The following KIAA1549L variants were observed in gnomAD, a reference collection of about 807,000 sequenced individuals.
The protein encoded by KIAA1549L is KIAA1549 like, also known as UPF0606 protein KIAA1549L.
Under a neutral mutation model 160.7 loss-of-function variants are expected in KIAA1549L, and 88 were observed. The ratio of observed to expected loss-of-function variants is 0.55; its 90% CI spans 0.46 to 0.65. The LOEUF is 0.65. KIAA1549L is among the 30% of genes least tolerant of loss of function. The pLI is 0.00. For missense variants in KIAA1549L, 2,258 were observed against 2,437.5 expected, an observed-to-expected ratio of 0.93 and a Z score of 1.55; for synonymous variants, 950 against 976.7, an observed-to-expected ratio of 0.97 and a Z score of 0.51.
At chr11:33,538,537 G>T in intron 1 of KIAA1549L, among the ~76,000 whole-genome samples, 1 of 152,190 alleles carries the variant, frequency 6.6e-6, no homozygotes, top group East Asian at 1.9e-4. Context: ...TATGCGCTGA[G>T]TAGGGCAGAG....
intron 16 of KIAA1549L, among the ~76,000 whole-genome samples, chr11:33,620,730 C>G (rs1298465848): frequency 6.6e-6 from 1 of 152,132 alleles, no homozygotes; most frequent in Non-Finnish European, 1.5e-5. Context: ...TACATCTATC[C>G]TTACGTAATA....
chr11:33,435,822 A>ATG (rs1565136006), intron 1 of KIAA1549L, among the ~76,000 whole-genome samples: 1,050 of 59,344 alleles, frequency 0.018, 287 homozygotes, highest in African/African-American at 0.092. Flanking sequence ...GTGTGTGTAT[A>ATG]TATATATATG....
In KIAA1549L at chr11:33,570,590, C is replaced by A. The variant is rs10836076; in HGVS notation, c.4230+2363C>A. Among the ~76,000 whole-genome samples, 11 of 152,058 alleles carry A rather than the reference C, an allele frequency of 7.2e-5. No homozygotes were observed. The Middle Eastern group carries it at 0.01, about 141-fold the overall frequency. The stretch of plus-strand genomic sequence containing the variant: ...AGGAATAACATGCCCCAGTTTCCCC[C>A]AAAAAATTCACTCTACGTGGGTTAC... On this transcript the variant is annotated intron_variant, in intron 9 of 20. Transcript: ENST00000658780.
At position 33,544,630 on chromosome 11, in the gene KIAA1549L, C is replaced by T. The variant is rs1015567328; in HGVS notation, c.2774-137C>T. 3.4e-6 allele frequency: 4 copies of T among 1,166,144 alleles called. No homozygotes were observed. The South Asian group carries it at 6.6e-5, about 19-fold the overall frequency. 72.2% of individuals were successfully genotyped at this position (1,166,144 alleles called of 1,614,324 possible). A position where few individuals can be genotyped will look rare whatever the true frequency, so the allele number is the denominator to read the frequency against. ...GTTTATGAGCCTAGAGTTGTTTTGC[C>T]TAAGTTCTGTCCACTGCAAGCCCAG... is the stretch of plus-strand genomic sequence containing the variant. On this transcript the variant is annotated intron_variant, in intron 2 of 20. Coordinates refer to ENST00000658780, the MANE Select transcript of KIAA1549L (RefSeq NM_012194.3).
At position 33,618,656 on chromosome 11, in the gene KIAA1549L, A is replaced by G; in HGVS notation, c.5403A>G (p.Gly1801=). 1 of 1,588,036 alleles carries G rather than the reference A, an allele frequency of 6.3e-7. No individual in the cohort carries two copies. Among genetic ancestry groups the G allele is most frequent in the South Asian group, 1.1e-5 (1 of 87,402 alleles). Residue 1801 remains glycine, a synonymous_variant, in exon 16 of 21, where the codon GGA becomes GGG. Coordinates refer to ENST00000658780, the MANE Select transcript of KIAA1549L (RefSeq NM_012194.3). The part of the protein sequence containing the change: ...ERPRRGIRNS[G]YDTEPEIIEE... ...CCCGGCGTGGAATCCGCAACAGCGG[A>G]TACGATGTGAGTCTCTGGTGGGCTG...
rs1852557121 is a variant in KIAA1549L, at chr11:33,668,334, G to A, written c.*180G>A. ...GAAACTCTTGAACGACTAGATTCTTGGCTCATCCAACTGATTGTGGGTCAA... is the reference window on the plus strand; with the variant it reads ...GAAACTCTTGAACGACTAGATTCTTAGCTCATCCAACTGATTGTGGGTCAA... On this transcript the variant is annotated 3_prime_UTR_variant, in exon 21 of 21. Transcript: ENST00000658780. 1 of 636,250 alleles carries A rather than the reference G, an allele frequency of 1.6e-6. No homozygotes were observed. Among genetic ancestry groups the A allele is most frequent in the Admixed American group, 2.9e-5 (1 of 33,990 alleles). The allele number at this position is 636,250 out of a possible 1,614,324, so 39.4% of individuals were successfully genotyped here. A position where few individuals can be genotyped will look rare whatever the true frequency, so the allele number is the denominator to read the frequency against.
At chr11:33,574,954 G>A in intron 10 of KIAA1549L, 81 bp downstream of exon 10, 2 of 1,195,124 alleles carry the variant, frequency 1.7e-6, no homozygotes. Flanking sequence ...CCAAAATCAT[G>A]TTAATGGTCT....
chr11:33,407,954 C>T (rs777229006), intron 1 of KIAA1549L, among the ~76,000 whole-genome samples: 1 of 152,188 alleles, frequency 6.6e-6, no homozygotes, highest in African/African-American at 2.4e-5. Context: ...CTGGGAATGA[C>T]CCGTTCCTGC....
At chr11:33,509,352 C>T (rs1434355606) in intron 1 of KIAA1549L, among the ~76,000 whole-genome samples, 1 of 152,186 alleles carries the variant, frequency 6.6e-6, no homozygotes, top group Non-Finnish European at 1.5e-5. Context: ...TATTCTCATT[C>T]CTTACTCCAT....
intron 1 of KIAA1549L, among the ~76,000 whole-genome samples, chr11:33,409,440 C>T (rs534674419): frequency 9.9e-5 from 15 of 152,278 alleles, no homozygotes; most frequent in African/African-American, 2.4e-4. Flanking sequence ...AAGGAGGTAG[C>T]GTTTCTTCCA....
chr11:33,620,116 A>G (rs1850919013), intron 16 of KIAA1549L, among the ~76,000 whole-genome samples: 1 of 152,236 alleles, frequency 6.6e-6, no homozygotes, highest in African/African-American at 2.4e-5. Context: ...AAAAGAGAAC[A>G]TTGCAGATCG....
In KIAA1549L at chr11:33,667,916, A is replaced by G. The variant is rs1284138380; in HGVS notation, c.6203A>G (p.Tyr2068Cys). ...ATCGAGGCCTACCCCCGATCACGGT[A>G]CCCCCAGAGCTCTCCCTCCAGGCTT... Reference protein sequence around the residue: ...GYIEAYPRSRYPQSSPSRLPR... With the variant: ...GYIEAYPRSRCPQSSPSRLPR... The change falls in exon 21 of 21, where the codon TAC becomes TGC. Residue 2068 changes from tyrosine to cysteine, a missense_variant. Coordinates refer to ENST00000658780, the MANE Select transcript of KIAA1549L (RefSeq NM_012194.3). 13 of 1,613,318 alleles carry G rather than the reference A, an allele frequency of 8.1e-6. No individual in the cohort carries two copies. Among genetic ancestry groups the G allele is most frequent in the Non-Finnish European group, 1.1e-5 (13 of 1,179,746 alleles).
At chr11:33,424,276 A>G (rs1486719526) in intron 1 of KIAA1549L, among the ~76,000 whole-genome samples, 2 of 152,126 alleles carry the variant, frequency 1.3e-5, no homozygotes, top group Non-Finnish European at 2.9e-5. Context: ...GAGTTTTGAG[A>G]AAGTTGGCCA....
intron 1 of KIAA1549L, among the ~76,000 whole-genome samples, chr11:33,510,897 A>T (rs1853213247): frequency 6.6e-6 from 1 of 152,360 alleles, no homozygotes; most frequent in South Asian, 2.1e-4. Flanking sequence ...GGAGAAAGCA[A>T]GTAGGAGCAG....
chr11:33,439,542 A>G (rs1000542319), intron 1 of KIAA1549L, among the ~76,000 whole-genome samples: 14 of 148,562 alleles, frequency 9.4e-5, no homozygotes, highest in African/African-American at 3.5e-4. Context: ...AGCTGGGACT[A>G]CAGGCGCCCA....
intron 10 of KIAA1549L, among the ~76,000 whole-genome samples, chr11:33,575,954 G>A (rs1855431423): frequency 2.0e-5 from 3 of 152,136 alleles, no homozygotes; most frequent in Admixed American, 2.0e-4. Context: ...CCCATTTTTA[G>A]GAAGCTTAAT....
At chr11:33,403,369 GC>G (rs1850570787) in intron 1 of KIAA1549L, 4 of 1,890 alleles carry the variant, frequency 2.1e-3, no homozygotes, top group Admixed American at 9.1e-3. Flanking sequence ...ACAGACACAT[GC>G]AGACAGACAC....
chr11:33,444,438 CCATT>C (rs1170740165), intron 1 of KIAA1549L, among the ~76,000 whole-genome samples: 2 of 152,104 alleles, frequency 1.3e-5, no homozygotes, highest in Non-Finnish European at 2.9e-5. Flanking sequence ...AAAAATCTGT[CCATT>C]CATAAAGCAT....
At chr11:33,428,354 G>A (rs1481676361) in intron 1 of KIAA1549L, among the ~76,000 whole-genome samples, 4 of 150,852 alleles carry the variant, frequency 2.7e-5, no homozygotes, top group Non-Finnish European at 1.5e-5. Context: ...TGCACAACGT[G>A]CAGGTTTGTT....
Sources: gnomAD v4.1 joint callset for allele counts (sites outside exome capture counted in the v4.1 genomes callset) on GRCh38, gnomAD v4.1.1 for gene constraint, MANE v1.5 for transcripts, NCBI Gene and HGNC (gene_info 2026-07-23, HGNC 2026-07-21) for gene names.